Variants in CDC14B observed in about 807,000 individuals in gnomAD.
The protein encoded by CDC14B is dual specificity protein phosphatase CDC14B.
Under a neutral mutation model 64.2 loss-of-function variants are expected in CDC14B, and 22 were observed. That is an observed-to-expected ratio of 0.34 (90% CI 0.24 to 0.49). The LOEUF (loss-of-function observed/expected upper bound fraction) is 0.49, where lower values mean the gene tolerates loss of function less well. Among genes scored for constraint, CDC14B ranks in the 20% least tolerant of loss-of-function variants. The pLI, the probability that CDC14B is intolerant of heterozygous loss-of-function variation, is 0.99. For missense variants in CDC14B, 498 were observed against 629.9 expected (o/e 0.79, Z 2.24); for synonymous variants, 191 against 215.8 (o/e 0.89, Z 1.01).
chr9:96,550,930 C>T (rs1841709219), intron 5 of CDC14B, among the ~76,000 whole-genome samples: 1 of 152,100 alleles, frequency 6.6e-6, no homozygotes, highest in Admixed American at 6.6e-5. Context: ...CATTAGCAAC[C>T]TTATCGACTG....
Position 96,502,134 on chromosome 9 carries a change from G to A in CDC14B, c.*1619C>T, listed in dbSNP as rs1170634959. 1.3e-5 allele frequency: 2 copies of A among 152,302 alleles called. No individual in the cohort carries two copies. Among genetic ancestry groups the A allele is most frequent in the Non-Finnish European group, 1.5e-5 (1 of 68,026 alleles). The allele number at this position is 152,302 out of a possible 1,614,324, so 9.4% of individuals were successfully genotyped here. ...TTGTGCCTATTCATTTCCAGGGACA[G>A]AAAACCACTGTTTTTCTGTGATCCA... On this transcript the variant is annotated 3_prime_UTR_variant, in exon 14 of 14. Transcript: ENST00000375241.
At chr9:96,492,255 C>T (rs940980166) in exon 14 of CDC14B, 24 of 152,358 alleles carry the variant, frequency 1.6e-4, no homozygotes, top group African/African-American at 5.8e-4. Flanking sequence ...TGGTTATAGC[C>T]AAGCCCAGGC....
intron 9 of CDC14B, among the ~76,000 whole-genome samples, chr9:96,529,648 C>A (rs772061901): frequency 3.2e-4 from 48 of 151,994 alleles, no homozygotes; most frequent in Non-Finnish European, 6.5e-4. Context: ...AACACCACCA[C>A]ACCCAGTTAA....
At chr9:96,545,504 G>C (rs1481546637) in intron 5 of CDC14B, among the ~76,000 whole-genome samples, 3 of 151,982 alleles carry the variant, frequency 2.0e-5, no homozygotes, top group African/African-American at 7.3e-5. Flanking sequence ...ATTTTCAGTA[G>C]AGATGGAGTT....
At chr9:96,506,012 A>G (rs1834072589) in intron 13 of CDC14B, among the ~76,000 whole-genome samples, 1 of 152,206 alleles carries the variant, frequency 6.6e-6, no homozygotes, top group South Asian at 2.1e-4. Context: ...ACCAAAAATC[A>G]AAAGCACCAA....
At chr9:96,552,971 CCATTACTTAACATG>C (rs1842022361) in intron 4 of CDC14B, among the ~76,000 whole-genome samples, 9 of 152,274 alleles carry the variant, frequency 5.9e-5, no homozygotes, top group African/African-American at 1.9e-4. Context: ...CTTTTTATCT[CCATTACTTAACATG>C]ATACATGTGA....
intron 13 of CDC14B, among the ~76,000 whole-genome samples, chr9:96,494,419 C>A (rs985049182): frequency 6.6e-6 from 1 of 152,214 alleles, no homozygotes; most frequent in Non-Finnish European, 1.5e-5. Flanking sequence ...AGAGGGCCCA[C>A]GCTCAGGTAT....
intron 1 of CDC14B, among the ~76,000 whole-genome samples, chr9:96,589,295 C>T (rs1333039599): frequency 6.6e-6 from 1 of 150,732 alleles, no homozygotes; most frequent in Admixed American, 6.6e-5. Context: ...GCTGAGATTG[C>T]GCCATTGCAC....
chr9:96,495,753 G>A (rs905866943), downstream of CDC14B, among the ~76,000 whole-genome samples: 12 of 152,298 alleles, frequency 7.9e-5, no homozygotes, highest in Admixed American at 7.2e-4. Flanking sequence ...CTGTGACCAA[G>A]GTAGAAAGAT....
chr9:96,602,030 G>A (rs1846512518), intron 1 of CDC14B, among the ~76,000 whole-genome samples: 3 of 152,130 alleles, frequency 2.0e-5, no homozygotes, highest in South Asian at 4.1e-4. Context: ...CTGCACTCCA[G>A]CCTGGACGAC....
intron 1 of CDC14B, among the ~76,000 whole-genome samples, chr9:96,596,083 G>T (rs1464597889): frequency 6.6e-6 from 1 of 152,032 alleles, no homozygotes; most frequent in Non-Finnish European, 1.5e-5. Context: ...AAGAAAAAAG[G>T]CTGGGCATGA....
intron 1 of CDC14B, among the ~76,000 whole-genome samples, chr9:96,607,413 CT>C (rs999912549): frequency 0.051 from 3,392 of 66,338 alleles, 128 homozygotes; most frequent in African/African-American, 0.18. Flanking sequence ...AACGTGATGT[CT>C]TTTTTTTTTT....
rs540214047 is a variant in CDC14B at position 96,501,886 on chromosome 9, G to C, written c.*1867C>G. 2 of 152,270 alleles carry C rather than the reference G, an allele frequency of 1.3e-5. No homozygotes were observed. Among genetic ancestry groups the C allele is most frequent in the South Asian group, 4.2e-4 (2 of 4,816 alleles). The allele number at this position is 152,270 out of a possible 1,614,324, so 9.4% of individuals were successfully genotyped here. A position where few individuals can be genotyped will look rare whatever the true frequency, so the allele number is the denominator to read the frequency against. On this transcript the variant is annotated 3_prime_UTR_variant, in exon 14 of 14. Transcript: ENST00000375241. ...TGGGATGAAAAGCCAAACTAAGAAG[G>C]GATCAGATAGAAGCACGATTTTCAC... is the stretch of plus-strand genomic sequence containing the variant.
At chr9:96,516,913 C>A (rs532576686) in intron 12 of CDC14B, among the ~76,000 whole-genome samples, 1 of 151,998 alleles carries the variant, frequency 6.6e-6, no homozygotes, top group Non-Finnish European at 1.5e-5. Context: ...CTCAGCCTCC[C>A]AAGCAACTGG....
Position 96,594,695 on chromosome 9 carries a change from C to CAA in CDC14B, c.160+24522_160+24523dup, listed in dbSNP as rs527349422. Among the ~76,000 whole-genome samples the CAA allele has an allele frequency of 2.0e-4, 21 of 103,414 alleles. No homozygotes were observed. The South Asian group carries it at 5.8e-3, about 29-fold the overall frequency. 67.8% of individuals were successfully genotyped at this position (103,414 alleles called of 152,430 possible). Reference sequence around the variant, plus strand: ...TTGCGCCACTGCACTCCAGCCTGGGCAACAGAGCAAGGCTGTCTCAAAAAA... The same window carrying CAA: ...TTGCGCCACTGCACTCCAGCCTGGGCAAAACAGAGCAAGGCTGTCTCAAAAAA... On this transcript the variant is annotated intron_variant, in intron 1 of 13. Transcript: ENST00000375241.
chr9:96,536,465 G>C (rs1294741803), intron 7 of CDC14B, among the ~76,000 whole-genome samples: 2 of 152,188 alleles, frequency 1.3e-5, no homozygotes, highest in Non-Finnish European at 2.9e-5. Flanking sequence ...TAATAACTTA[G>C]CTATATTCTG....
At chr9:96,578,772 T>C (rs1293251295) in intron 1 of CDC14B, among the ~76,000 whole-genome samples, 1 of 152,188 alleles carries the variant, frequency 6.6e-6, no homozygotes, top group African/African-American at 2.4e-5. Context: ...GCTGGTGAAA[T>C]CCCAATAAAG....
intron 7 of CDC14B, 59 bp from the exon 8 acceptor site, chr9:96,534,601 A>T (rs1352127257): frequency 1.8e-6 from 2 of 1,110,590 alleles, no homozygotes; most frequent in Non-Finnish European, 2.7e-6. Context: ...CAACCTCTCT[A>T]CTCAAGACTG....
intron 3 of CDC14B, among the ~76,000 whole-genome samples, chr9:96,563,746 C>A (rs1843555006): frequency 6.7e-6 from 1 of 149,544 alleles, no homozygotes; most frequent in East Asian, 1.9e-4. Flanking sequence ...TGGTTGAGTA[C>A]AGGAAAAAAA....
Sources: allele counts gnomAD v4.1 joint callset (sites outside exome capture counted in the v4.1 genomes callset), GRCh38; gene constraint gnomAD v4.1.1; transcripts MANE v1.5; gene names NCBI Gene and HGNC (gene_info 2026-07-23, HGNC 2026-07-21).